Variants in INSL6 observed in about 807,000 individuals in gnomAD.
INSL6 encodes insulin-like peptide INSL6.
A neutral mutation model predicts 9.4 loss-of-function variants in INSL6; 16 were observed. The observed-to-expected ratio is 1.70, with a 90% confidence interval of 1.15 to 2.59. INSL6 has a LOEUF of 2.59. Among genes scored for constraint, INSL6 ranks in the 30% most tolerant of loss-of-function variants. The pLI is 0.00. For synonymous variants in INSL6, 154 were observed against 96.9 expected (o/e 1.59, Z -3.46); for missense variants, 391 against 257.3 (o/e 1.52, Z -3.56).
intron 2 of INSL6, among the ~76,000 whole-genome samples, chr9:5,156,242 T>C (rs1824813185): frequency 6.6e-6 from 1 of 152,198 alleles, no homozygotes; most frequent in South Asian, 2.1e-4. Flanking sequence ...AAAATAACTT[T>C]ATTGGTGAAT....
chr9:5,016,104 T>C, the INSL6 span, among the ~76,000 whole-genome samples: 1 of 152,212 alleles, frequency 6.6e-6, no homozygotes, highest in South Asian at 2.1e-4. Flanking sequence ...AGCCGTCGCT[T>C]CCCTCCAAAT....
chr9:4,996,519 A>T, the INSL6 span, among the ~76,000 whole-genome samples: 1 of 151,996 alleles, frequency 6.6e-6, no homozygotes, highest in Non-Finnish European at 1.5e-5. Flanking sequence ...TCTCTTATTT[A>T]TATGTATAAT....
the INSL6 span, among the ~76,000 whole-genome samples, chr9:4,998,485 G>C: frequency 3.3e-5 from 5 of 152,096 alleles, no homozygotes; most frequent in East Asian, 9.7e-4. Context: ...TCGAACTCCT[G>C]ACCTCGTGAT....
chr9:5,169,720 C>A (rs1402677941), intron 1 of INSL6, among the ~76,000 whole-genome samples: 1 of 152,108 alleles, frequency 6.6e-6, no homozygotes, highest in Non-Finnish European at 1.5e-5. Flanking sequence ...GGGTTGCAAT[C>A]CTAGTTTCTG....
chr9:5,125,533 A>G (rs948737990), intron 3 of INSL6, among the ~76,000 whole-genome samples: 3 of 151,440 alleles, frequency 2.0e-5, no homozygotes, highest in Non-Finnish European at 4.4e-5. Flanking sequence ...GAATAAAAGT[A>G]TAAGTAAAAG....
chr9:5,010,136 C>A, the INSL6 span, among the ~76,000 whole-genome samples: 3 of 152,136 alleles, frequency 2.0e-5, no homozygotes, highest in East Asian at 1.9e-4. Context: ...TACTTTTGAT[C>A]TTCCTGGAAT....
the INSL6 span, among the ~76,000 whole-genome samples, chr9:5,093,549 T>C: frequency 6.6e-6 from 1 of 152,168 alleles, no homozygotes; most frequent in Non-Finnish European, 1.5e-5. Flanking sequence ...CTTTAATTCA[T>C]TAATGCAAAT....
chr9:5,154,603 C>T (rs1441179399), intron 2 of INSL6, among the ~76,000 whole-genome samples: 5 of 152,098 alleles, frequency 3.3e-5, no homozygotes, highest in South Asian at 2.1e-4. Context: ...CCAGAATCTA[C>T]GATGAACTCA....
At chr9:5,025,510 T>G in the INSL6 span, among the ~76,000 whole-genome samples, 1 of 151,866 alleles carries the variant, frequency 6.6e-6, no homozygotes, top group East Asian at 1.9e-4. Context: ...TTTCTTCTTC[T>G]TTTGTTTAAG....
the INSL6 span, among the ~76,000 whole-genome samples, chr9:5,048,984 T>C: frequency 6.6e-6 from 1 of 152,182 alleles, no homozygotes; most frequent in African/African-American, 2.4e-5. Context: ...CCATTACATG[T>C]TCAGTCAGAT....
chr9:5,095,433 T>G, the INSL6 span, among the ~76,000 whole-genome samples: 8 of 152,078 alleles, frequency 5.3e-5, no homozygotes, highest in African/African-American at 1.9e-4. Flanking sequence ...CATCTATAAT[T>G]CTCATGATGG....
chr9:5,015,901 T>A, the INSL6 span, among the ~76,000 whole-genome samples: 94,897 of 151,878 alleles, frequency 0.62, 31,666 homozygotes, highest in African/African-American at 0.88. Flanking sequence ...ATAAAAAGAG[T>A]AAAAAATATC....
the INSL6 span, among the ~76,000 whole-genome samples, chr9:5,024,786 A>G: frequency 6.6e-6 from 1 of 152,192 alleles, no homozygotes. Flanking sequence ...TAAGTGGAAC[A>G]TAGGTGTGCT....
At chr9:5,085,840 C>T in the INSL6 span, 9 of 763,668 alleles carry the variant, frequency 1.2e-5, no homozygotes, top group Non-Finnish European at 2.0e-5. Flanking sequence ...TTTCCTTTTA[C>T]ATCAAAGTAG....
At chr9:5,119,569 GAT>G (rs1295105039), downstream of INSL6, among the ~76,000 whole-genome samples, 10 of 152,032 alleles carry the variant, frequency 6.6e-5, no homozygotes, top group African/African-American at 1.7e-4. Flanking sequence ...ATGAAAATAA[GAT>G]AATTTCTCAT....
At chr9:5,095,255 C>T in the INSL6 span, among the ~76,000 whole-genome samples, 1 of 151,670 alleles carries the variant, frequency 6.6e-6, no homozygotes, top group African/African-American at 2.4e-5. Context: ...CTTATTATCT[C>T]TCTTACTATT....
the INSL6 span, among the ~76,000 whole-genome samples, chr9:5,045,629 G>T: frequency 1.3e-5 from 2 of 151,934 alleles, no homozygotes; most frequent in Non-Finnish European, 2.9e-5. Flanking sequence ...ATATAAATCT[G>T]CCTTTTCTAT....
intron 1 of INSL6, among the ~76,000 whole-genome samples, chr9:5,173,448 T>C (rs559127505): frequency 6.6e-6 from 1 of 152,170 alleles, no homozygotes; most frequent in African/African-American, 2.4e-5. Flanking sequence ...AATGAGATCA[T>C]GTCCTTTGCA....
intron 1 of INSL6, among the ~76,000 whole-genome samples, chr9:5,166,368 C>T (rs544079153): frequency 2.0e-5 from 3 of 151,750 alleles, no homozygotes; most frequent in Admixed American, 6.6e-5. Flanking sequence ...CAGTTAGAGG[C>T]CTATTAGAGC....
Sources: gnomAD v4.1 joint callset for allele counts (sites outside exome capture counted in the v4.1 genomes callset) on GRCh38, gnomAD v4.1.1 for gene constraint, MANE v1.5 for transcripts, NCBI Gene and HGNC (gene_info 2026-07-23, HGNC 2026-07-21) for gene names.